Variants in EXT2 observed in about 807,000 individuals in gnomAD.
EXT2 encodes exostosin-2.
EXT2 carries 53 observed loss-of-function variants against 81.6 expected under a neutral mutation model. The ratio of observed to expected loss-of-function variants is 0.65; its 90% CI spans 0.52 to 0.82. EXT2 has a LOEUF of 0.82. Ranked by LOEUF, EXT2 falls within the 40% of genes least tolerant of loss-of-function variation. EXT2 has a pLI of 0.00. For synonymous variants in EXT2, 320 were observed against 340.0 expected, an observed-to-expected ratio of 0.94 and a Z score of 0.65; for missense variants, 774 against 910.2, an observed-to-expected ratio of 0.85 and a Z score of 1.93.
At chr11:44,236,638 G>A (rs1955968588) in intron 13 of EXT2, among the ~76,000 whole-genome samples, 1 of 152,154 alleles carries the variant, frequency 6.6e-6, no homozygotes, top group African/African-American at 2.4e-5. Context: ...TTCTCCATGT[G>A]GACTAAGCAG....
chr11:44,149,721 A>AC (rs1954768207), intron 7 of EXT2, among the ~76,000 whole-genome samples: 1 of 152,084 alleles, frequency 6.6e-6, no homozygotes, highest in African/African-American at 2.4e-5. Context: ...TTCTTTAATT[A>AC]CCCCCCACAA....
chr11:44,204,388 T>A (rs545966126), intron 9 of EXT2, among the ~76,000 whole-genome samples: 1 of 152,356 alleles, frequency 6.6e-6, no homozygotes, highest in South Asian at 2.1e-4. Context: ...TGTTTGTGTG[T>A]GTGTGTGTGT....
intron 10 of EXT2, among the ~76,000 whole-genome samples, chr11:44,228,384 A>G (rs1388838077): frequency 2.0e-5 from 3 of 152,204 alleles, no homozygotes; most frequent in Non-Finnish European, 2.9e-5. Context: ...TAAAAGGAAA[A>G]AAGTTGAATT....
intron 8 of EXT2, among the ~76,000 whole-genome samples, chr11:44,195,126 A>T (rs1288206889): frequency 6.6e-6 from 1 of 152,172 alleles, no homozygotes; most frequent in Non-Finnish European, 1.5e-5. Context: ...GAAACAGAAG[A>T]TCAACATTGA....
At chr11:44,200,925 C>T (rs2135191906) in intron 9 of EXT2, among the ~76,000 whole-genome samples, 1 of 152,248 alleles carries the variant, frequency 6.6e-6, no homozygotes, top group East Asian at 1.9e-4. Flanking sequence ...AATCAATATA[C>T]TTAAAAAAAG....
chr11:44,123,175 T>C (rs1415274832), intron 4 of EXT2, among the ~76,000 whole-genome samples: 1 of 152,188 alleles, frequency 6.6e-6, no homozygotes, highest in Non-Finnish European at 1.5e-5. Flanking sequence ...TAATCCTCTA[T>C]AAAAGGAGAT....
At chr11:44,224,731 G>A (rs1326499335) in intron 10 of EXT2, among the ~76,000 whole-genome samples, 1 of 152,186 alleles carries the variant, frequency 6.6e-6, no homozygotes, top group Non-Finnish European at 1.5e-5. Flanking sequence ...AAACAAAGGG[G>A]ATATGCTGTA....
chr11:44,125,633 A>C (rs1954390282), intron 5 of EXT2, among the ~76,000 whole-genome samples: 1 of 152,122 alleles, frequency 6.6e-6, no homozygotes, highest in Admixed American at 6.5e-5. Context: ...TAAATACTTA[A>C]AATGGACACA....
intron 7 of EXT2, among the ~76,000 whole-genome samples, chr11:44,146,758 C>G (rs1307340658): frequency 6.6e-6 from 1 of 152,156 alleles, no homozygotes; most frequent in Non-Finnish European, 1.5e-5. Context: ...TGGAAAGATT[C>G]TTGGAGAAGA....
chr11:44,232,998 T>A (rs1366176254), intron 11 of EXT2, among the ~76,000 whole-genome samples: 1 of 152,226 alleles, frequency 6.6e-6, no homozygotes, highest in Non-Finnish European at 1.5e-5. Flanking sequence ...TAAATAACGC[T>A]TAATATCTAA....
At chr11:44,158,528 T>G (rs554142784) in intron 7 of EXT2, among the ~76,000 whole-genome samples, 1 of 151,406 alleles carries the variant, frequency 6.6e-6, no homozygotes, top group Non-Finnish European at 1.5e-5. Context: ...AATTGAAAAT[T>G]TTTAATTTTT....
At chr11:44,222,904 A>G (rs1439057389) in intron 10 of EXT2, among the ~76,000 whole-genome samples, 1 of 152,260 alleles carries the variant, frequency 6.6e-6, no homozygotes, top group Non-Finnish European at 1.5e-5. Context: ...CTAAACATCT[A>G]GAATATGTTT....
rs757015383 is a variant in EXT2, at chr11:44,124,983, A to G, written c.938A>G (p.Gln313Arg). Reference sequence around the variant, plus strand: ...GTCTTCGATTACCCACAGGTGCTACAGGTGAGTGTCATTCATTACCTCTCG... The same window carrying G: ...GTCTTCGATTACCCACAGGTGCTACGGGTGAGTGTCATTCATTACCTCTCG... Reference protein sequence around the residue: ...HQVFDYPQVLQEATFCVVLRG... With the variant: ...HQVFDYPQVLREATFCVVLRG... Residue 313 changes from glutamine (Q) to arginine (R), a missense_variant and splice_region_variant, in exon 5 of 14, where the codon CAG becomes CGG. Around this residue, in one of 2 missense-constraint regions of EXT2, gnomAD observed 626 missense variants for 670.5 expected, o/e 0.93. Coordinates refer to ENST00000533608, the MANE Select transcript of EXT2 (RefSeq NM_207122.2). 1.2e-6 allele frequency: 2 copies of G among 1,612,438 alleles called. No homozygotes were observed. Among genetic ancestry groups the G allele is most frequent in the East Asian group, 2.2e-5 (1 of 44,882 alleles).
intron 9 of EXT2, among the ~76,000 whole-genome samples, chr11:44,202,676 G>A (rs893201012): frequency 6.6e-6 from 1 of 152,210 alleles, no homozygotes; most frequent in African/African-American, 2.4e-5. Context: ...GGGAAAGCAT[G>A]GCTGACATTT....
intron 3 of EXT2, among the ~76,000 whole-genome samples, chr11:44,111,646 T>C (rs1035895680): frequency 6.6e-6 from 1 of 152,228 alleles, no homozygotes; most frequent in African/African-American, 2.4e-5. Context: ...AAACTTGTTA[T>C]GGAAAATTTC....
chr11:44,207,019 C>A, intron 10 of EXT2, 60 bp downstream of exon 10: 1 of 1,545,896 alleles, frequency 6.5e-7, no homozygotes, highest in Non-Finnish European at 8.9e-7. Context: ...GACTGCTTGT[C>A]TTTTCTAAAA....
intron 10 of EXT2, among the ~76,000 whole-genome samples, chr11:44,214,437 C>A (rs907083401): frequency 5.3e-5 from 8 of 152,060 alleles, no homozygotes; most frequent in African/African-American, 1.9e-4. Context: ...TCTATCCATT[C>A]CATGTTCCCT....
At chr11:44,229,604 C>T (rs1955875353) in intron 10 of EXT2, among the ~76,000 whole-genome samples, 3 of 152,172 alleles carry the variant, frequency 2.0e-5, no homozygotes, top group Admixed American at 2.0e-4. Context: ...CAGTGTCTCA[C>T]CAAAAATGCC....
chr11:44,137,136 TTAAC>T (rs1399671955), intron 7 of EXT2, among the ~76,000 whole-genome samples: 1 of 152,210 alleles, frequency 6.6e-6, no homozygotes, highest in Non-Finnish European at 1.5e-5. Flanking sequence ...TTTTATGTGT[TTAAC>T]TATTTTTTTC....
Sources: gnomAD v4.1 joint callset for allele counts (sites outside exome capture counted in the v4.1 genomes callset) on GRCh38, gnomAD v4.1.1 for gene constraint, gnomAD v4.1.1 regional missense constraint, MANE v1.5 for transcripts, NCBI Gene and HGNC (gene_info 2026-07-23, HGNC 2026-07-21) for gene names.